The following CLK3 variants were observed in gnomAD, a reference collection of about 807,000 sequenced individuals.
CLK3 encodes CDC like kinase 3, also known as dual specificity protein kinase CLK3.
CLK3 carries 24 observed loss-of-function variants against 65.2 expected under a neutral mutation model. That is an observed-to-expected ratio of 0.37 (90% CI 0.27 to 0.52). The LOEUF (loss-of-function observed/expected upper bound fraction) is 0.52, where lower values mean the gene tolerates loss of function less well. Among genes scored for constraint, CLK3 ranks in the 20% least tolerant of loss-of-function variants. The pLI is 0.92. For missense variants in CLK3, 506 were observed against 660.0 expected, an observed-to-expected ratio of 0.77 and a Z score of 2.56; for synonymous variants, 252 against 240.8, an observed-to-expected ratio of 1.05 and a Z score of -0.43.
rs982602578 is a variant in CLK3, at chr15:74,622,612, G to T, written c.533+52G>T. The T allele has an allele frequency of 7.6e-6, 11 of 1,454,398 alleles. No homozygotes were observed. Among genetic ancestry groups the T allele is most frequent in the African/African-American group, 1.4e-5 (1 of 70,246 alleles). The allele number at this position is 1,454,398 out of a possible 1,614,324, so 90.1% of individuals were successfully genotyped here. A position where few individuals can be genotyped will look rare whatever the true frequency, so the allele number is the denominator to read the frequency against. On this transcript the variant is annotated intron_variant, in intron 5 of 12. Coordinates refer to ENST00000395066, the MANE Select transcript of CLK3 (RefSeq NM_001130028.2). This position sits in a 1 kb window ranked among gnomAD's most constrained non-coding sequence, Gnocchi z 4.6. The stretch of plus-strand genomic sequence containing the variant: ...GCTCCGGATGTGATCTTCCTGGGAA[G>T]AGCTGGCCTGAGGTTCTTGAGGGTG...
intron 10 of CLK3, 126 bp from the exon 11 acceptor site, chr15:74,628,478 G>A (rs1255744938): frequency 2.0e-5 from 13 of 647,784 alleles, no homozygotes; most frequent in South Asian, 4.1e-5. Flanking sequence ...TGGGGCTGCC[G>A]CTTCATTGGT....
Position 74,628,528 on chromosome 15 carries a change from C to G in CLK3, c.1126-76C>G, listed in dbSNP as rs180795128. On this transcript the variant is annotated intron_variant, in intron 10 of 12. Coordinates refer to ENST00000395066, the MANE Select transcript of CLK3 (RefSeq NM_001130028.2). ...TGGGGCAGTGAGGGCACTTGCCCATCTTTCTTGTTCCTTTTTCTCCTTGAA... is the reference window on the plus strand; with the variant it reads ...TGGGGCAGTGAGGGCACTTGCCCATGTTTCTTGTTCCTTTTTCTCCTTGAA... 3.9e-5 allele frequency: 43 copies of G among 1,103,034 alleles called. 1 individual carries two copies. The Admixed American group carries it at 7.3e-4, about 19-fold the overall frequency. 68.3% of individuals were successfully genotyped at this position (1,103,034 alleles called of 1,614,324 possible).
In CLK3 at chr15:74,630,086, A is replaced by G. The variant is rs1596293459; in HGVS notation, c.*203A>G. 3.6e-6 allele frequency: 2 copies of G among 551,940 alleles called. No homozygotes were observed. The highest frequency in any genetic ancestry group is 2.7e-5 in the South Asian group (1 of 36,560). 34.2% of individuals were successfully genotyped at this position (551,940 alleles called of 1,614,324 possible). A position where few individuals can be genotyped will look rare whatever the true frequency, so the allele number is the denominator to read the frequency against. ...TGACCCAAGCTATTTATATGTTATAAAGTTATAATAAAGTGTTTCTTACTG... is the reference window on the plus strand; with the variant it reads ...TGACCCAAGCTATTTATATGTTATAGAGTTATAATAAAGTGTTTCTTACTG... On this transcript the variant is annotated 3_prime_UTR_variant, in exon 13 of 13. Coordinates refer to ENST00000395066, the MANE Select transcript of CLK3 (RefSeq NM_001130028.2).
intron 3 of CLK3, 133 bp downstream of exon 3, chr15:74,620,358 G>A: frequency 1.6e-6 from 2 of 1,247,148 alleles, no homozygotes; most frequent in Non-Finnish European, 2.2e-6. Flanking sequence ...ATGTGTGTGT[G>A]TATGTGTTGT....
At chr15:74,628,098 T>A (rs1467974746) in intron 10 of CLK3, 46 bp downstream of exon 10, 1 of 1,355,736 alleles carries the variant, frequency 7.4e-7, no homozygotes, top group African/African-American at 1.4e-5. Flanking sequence ...ACTGCTACTG[T>A]GATAGGCTGC....
intron 5 of CLK3, among the ~76,000 whole-genome samples, chr15:74,623,436 G>A (rs976022621): frequency 2.0e-5 from 3 of 152,356 alleles, no homozygotes; most frequent in Non-Finnish European, 2.9e-5. Context: ...CCACCACTGC[G>A]CTGTAGTGCT....
chr15:74,609,194 T>C (rs1041864033), intron 1 of CLK3, among the ~76,000 whole-genome samples: 4 of 152,138 alleles, frequency 2.6e-5, no homozygotes, highest in African/African-American at 9.7e-5. Context: ...AGCTCCAGCC[T>C]TTACCCATGC....
chr15:74,628,717 T>A, intron 11 of CLK3, 34 bp downstream of exon 11: 1 of 1,550,426 alleles, frequency 6.4e-7, no homozygotes. Context: ...AGGGTTGGTA[T>A]AGAGGCCTTT....
chr15:74,614,728 C>A (rs1026687199), upstream of CLK3: 2 of 152,166 alleles, frequency 1.3e-5, no homozygotes, highest in Non-Finnish European at 2.9e-5. Context: ...CGGGGAGGGG[C>A]ATGGGCGGGG....
chr15:74,619,455 G>C (rs1281068383), intron 2 of CLK3, 107 bp downstream of exon 2: 7 of 1,297,628 alleles, frequency 5.4e-6, no homozygotes, highest in Non-Finnish European at 7.6e-6. Context: ...GCTGTCCCTG[G>C]ATCCCTGCCC....
Position 74,626,856 on chromosome 15 carries a change from G to A in CLK3, c.818-496G>A, listed in dbSNP as rs1596290930. ...CTGCTTATGACTAGCAATGAGAGGC[G>A]GGGCTGTCTTCCTGGGTATGCGACC... On this transcript the variant is annotated intron_variant, in intron 7 of 12. Coordinates refer to ENST00000395066, the MANE Select transcript of CLK3 (RefSeq NM_001130028.2). 17 of 392,396 alleles carry A rather than the reference G, an allele frequency of 4.3e-5. 1 individual carries two copies. The highest frequency in any genetic ancestry group is 1.5e-4 in the South Asian group (8 of 54,012). 24.3% of individuals were successfully genotyped at this position (392,396 alleles called of 1,614,324 possible).
At position 74,627,259 on chromosome 15, in the gene CLK3, C is replaced by T; in HGVS notation, c.818-93C>T. On this transcript the variant is annotated intron_variant, in intron 7 of 12. Transcript: ENST00000395066. This position sits in a 1 kb window ranked among gnomAD's most constrained non-coding sequence, Gnocchi z 4.3. ...GAGGTGGGGGTGTGAGGACCTCTGG[C>T]AGTTGCTGGCATTGGAAGAGGGGTC... 2.1e-6 allele frequency: 2 copies of T among 955,930 alleles called. No individual in the cohort carries two copies. The highest frequency in any genetic ancestry group is 3.4e-6 in the Non-Finnish European group (2 of 585,398). 59.2% of individuals were successfully genotyped at this position (955,930 alleles called of 1,614,324 possible).
At chr15:74,620,293 C>T in intron 3 of CLK3, 68 bp downstream of exon 3, 3 of 1,593,856 alleles carry the variant, frequency 1.9e-6, no homozygotes, top group Non-Finnish European at 2.6e-6. Context: ...TTCTCTCAGG[C>T]TGGCTGGTCC....
At chr15:74,609,202 T>C (rs2061952980) in intron 1 of CLK3, among the ~76,000 whole-genome samples, 1 of 152,162 alleles carries the variant, frequency 6.6e-6, no homozygotes, top group Admixed American at 6.5e-5. Context: ...CCTTTACCCA[T>C]GCAGCCCCTC....
upstream of CLK3, chr15:74,615,610 C>T: frequency 1.6e-6 from 2 of 1,252,410 alleles, no homozygotes; most frequent in Non-Finnish European, 2.0e-6. Flanking sequence ...GGGGGACCTA[C>T]GTGCGCCGCG....
chr15:74,626,296 T>A (rs916796596), intron 7 of CLK3, among the ~76,000 whole-genome samples: 3 of 152,334 alleles, frequency 2.0e-5, no homozygotes, highest in African/African-American at 7.2e-5. Context: ...GGTAGAAGCC[T>A]GACCTGACAG....
upstream of CLK3, among the ~76,000 whole-genome samples, chr15:74,614,431 A>AGT (rs2062028914): frequency 6.6e-6 from 1 of 152,198 alleles, no homozygotes. Context: ...CTCCTGCCTC[A>AGT]GTCCCCTGCA....
Position 74,625,839 on chromosome 15 carries a change from G to T in CLK3, c.688G>T (p.Gly230Cys). The change falls in exon 7 of 13, where the codon GGT (glycine) becomes TGT (cysteine). Residue 230 changes from glycine to cysteine, a missense_variant. Physicochemically the swap from Gly to Cys is radical, Grantham distance 159. This residue lies in a region of CLK3 where 325 missense variants were observed against 500.5 expected (regional missense o/e 0.65). Transcript: ENST00000395066. ...GATGTCTGACTGGTTCAACTTCCAC[G>T]GTCACATGTGCATCGCCTTTGAGCT... ...VLMSDWFNFH[G>C]HMCIAFELLG... The T allele has an allele frequency of 6.2e-7, 1 of 1,614,068 alleles. No individual in the cohort carries two copies. The highest frequency in any genetic ancestry group is 8.5e-7 in the Non-Finnish European group (1 of 1,180,012).
intron 2 of CLK3, 69 bp downstream of exon 2, chr15:74,619,417 C>G (rs1441477375): frequency 4.5e-6 from 7 of 1,553,010 alleles, no homozygotes; most frequent in Non-Finnish European, 5.3e-6. Context: ...CAGCTCCAGA[C>G]TCCTTGAGAT....
Sources: gnomAD v4.1 joint callset for allele counts (sites outside exome capture counted in the v4.1 genomes callset) on GRCh38, gnomAD v4.1.1 for gene constraint, gnomAD v4.1.1 regional missense constraint, Gnocchi (gnomAD v3.1) non-coding constraint, MANE v1.5 for transcripts, NCBI Gene and HGNC (gene_info 2026-07-23, HGNC 2026-07-21) for gene names.